The following MKLN1 variants were observed in gnomAD, a reference collection of about 807,000 sequenced individuals.
MKLN1 encodes muskelin 1.
Under a neutral mutation model 99.0 loss-of-function variants are expected in MKLN1, and 18 were observed. That is an observed-to-expected ratio of 0.18 (90% confidence interval 0.13 to 0.27). The LOEUF is 0.27. Ranked by LOEUF, MKLN1 falls within the 10% of genes least tolerant of loss-of-function variation. The pLI is 1.00. For missense variants in MKLN1, 621 were observed against 875.9 expected, an observed-to-expected ratio of 0.71 and a Z score of 3.67; for synonymous variants, 288 against 293.2, an observed-to-expected ratio of 0.98 and a Z score of 0.18.
intron 3 of MKLN1, among the ~76,000 whole-genome samples, chr7:131,257,225 G>A (rs1797670076): frequency 6.6e-6 from 1 of 152,020 alleles, no homozygotes; most frequent in Non-Finnish European, 1.5e-5. Context: ...CTAGATTATA[G>A]AACATGCCTT....
At chr7:131,206,766 G>A (rs10234952) in intron 3 of MKLN1, among the ~76,000 whole-genome samples, 28,779 of 151,730 alleles carry the variant, frequency 0.19, 2,986 homozygotes, top group South Asian at 0.31. Flanking sequence ...ATGTTTTCCC[G>A]GCTGGTCTCA....
chr7:131,284,485 T>TAA (rs1195578987), intron 3 of MKLN1, among the ~76,000 whole-genome samples: 3 of 152,214 alleles, frequency 2.0e-5, no homozygotes, highest in African/African-American at 7.2e-5. Context: ...ACTCTGGTGC[T>TAA]CTGTTGGTAG....
At chr7:131,434,214 CT>C (rs1382892599) in intron 9 of MKLN1, among the ~76,000 whole-genome samples, 1 of 152,020 alleles carries the variant, frequency 6.6e-6, no homozygotes, top group African/African-American at 2.4e-5. Flanking sequence ...GATATTGAAT[CT>C]TTCTACACCA....
rs527836890 is a variant in MKLN1, at chr7:131,228,624, G to A, written c.-179+25650G>A. On this transcript the variant is annotated intron_variant, in intron 3 of 7. Transcript: ENST00000416992. ...TAAGATCTCTTTTATGGGTTTTTGT[G>A]AGAATTAAAGTGAAATCATGCAAGT... is the stretch of plus-strand genomic sequence containing the variant. 1.2e-4 allele frequency among the ~76,000 whole-genome samples: 19 copies of A among 152,174 alleles called. No homozygotes were observed. The South Asian group carries it at 3.9e-3, about 32-fold the overall frequency.
chr7:131,132,128 T>G (rs1584780451), intron 1 of MKLN1, among the ~76,000 whole-genome samples: 2 of 152,232 alleles, frequency 1.3e-5, no homozygotes, highest in East Asian at 3.8e-4. Context: ...AAGTCAATTG[T>G]GTAAATGTTA....
At chr7:131,298,956 G>A (rs1399624760) in intron 3 of MKLN1, among the ~76,000 whole-genome samples, 1 of 152,192 alleles carries the variant, frequency 6.6e-6, no homozygotes, top group Non-Finnish European at 1.5e-5. Context: ...GGTAGGAGGA[G>A]CGCTTCATGC....
At chr7:131,379,205 T>C (rs1362514835) in intron 2 of MKLN1, among the ~76,000 whole-genome samples, 3 of 152,190 alleles carry the variant, frequency 2.0e-5, no homozygotes, top group Non-Finnish European at 4.4e-5. Context: ...TGAAAATAGT[T>C]ACCTTTATTC....
At chr7:131,476,170 G>A (rs1376595309) in intron 16 of MKLN1, among the ~76,000 whole-genome samples, 1 of 152,072 alleles carries the variant, frequency 6.6e-6, no homozygotes, top group Non-Finnish European at 1.5e-5. Flanking sequence ...ATTCCTAAAG[G>A]ACACCTGTGA....
At chr7:131,427,256 T>G (rs1444139358) in intron 8 of MKLN1, among the ~76,000 whole-genome samples, 1 of 152,200 alleles carries the variant, frequency 6.6e-6, no homozygotes, top group Non-Finnish European at 1.5e-5. Flanking sequence ...TATGCAGATA[T>G]GACAGAAATC....
intron 3 of MKLN1, among the ~76,000 whole-genome samples, chr7:131,255,712 G>A (rs1797647993): frequency 3.3e-5 from 5 of 151,802 alleles, no homozygotes; most frequent in Admixed American, 3.3e-4. Flanking sequence ...CTGAGCAGCT[G>A]GGATTTTACA....
At chr7:131,231,290 G>C (rs978971428) in intron 3 of MKLN1, among the ~76,000 whole-genome samples, 1 of 152,098 alleles carries the variant, frequency 6.6e-6, no homozygotes, top group African/African-American at 2.4e-5. Context: ...TAACCTATCA[G>C]TACATGGCTG....
intron 1 of MKLN1, among the ~76,000 whole-genome samples, chr7:131,372,554 T>G (rs73488974): frequency 0.05 from 7,590 of 152,098 alleles, 250 homozygotes; most frequent in East Asian, 0.19. Flanking sequence ...TCACTTACTA[T>G]GTATTGAACA....
intron 3 of MKLN1, among the ~76,000 whole-genome samples, chr7:131,259,166 C>T (rs768633305): frequency 6.6e-6 from 1 of 152,006 alleles, no homozygotes; most frequent in Non-Finnish European, 1.5e-5. Flanking sequence ...TAGCTATGAC[C>T]ACTCATCCTG....
At chr7:131,284,823 G>A (rs755699581) in intron 3 of MKLN1, among the ~76,000 whole-genome samples, 43 of 152,192 alleles carry the variant, frequency 2.8e-4, no homozygotes, top group Non-Finnish European at 5.1e-4. Flanking sequence ...TCAAAGCCCT[G>A]AGGAATCTGA....
intron 3 of MKLN1, among the ~76,000 whole-genome samples, chr7:131,316,975 C>T (rs1045651532): frequency 2.0e-5 from 3 of 152,142 alleles, no homozygotes; most frequent in Non-Finnish European, 2.9e-5. Flanking sequence ...ACTAAACCTA[C>T]GATTGATTGG....
chr7:131,313,261 TA>T (rs1188469610), intron 3 of MKLN1, among the ~76,000 whole-genome samples: 2 of 152,258 alleles, frequency 1.3e-5, no homozygotes, highest in Non-Finnish European at 2.9e-5. Context: ...GCACGTTTTC[TA>T]TAAGTCAGTG....
chr7:131,212,397 A>G (rs1796919166), intron 3 of MKLN1, among the ~76,000 whole-genome samples: 5 of 152,188 alleles, frequency 3.3e-5, no homozygotes, highest in Admixed American at 3.3e-4. Context: ...TGTTTACATG[A>G]ATAGACTCTT....
chr7:131,464,177 G>A (rs1796594987), intron 13 of MKLN1, 117 bp from the exon 14 acceptor site: 2 of 539,330 alleles, frequency 3.7e-6, no homozygotes, highest in South Asian at 3.0e-5. Flanking sequence ...AAGATACGAT[G>A]TGAACGCATT....
chr7:131,373,115 T>A (rs1052305198), intron 1 of MKLN1, among the ~76,000 whole-genome samples: 5 of 152,132 alleles, frequency 3.3e-5, no homozygotes, highest in African/African-American at 1.2e-4. Flanking sequence ...TCGATTAAAT[T>A]TTTCTCCTGA....
Sources: gnomAD v4.1 joint callset for allele counts (sites outside exome capture counted in the v4.1 genomes callset) on GRCh38, gnomAD v4.1.1 for gene constraint, MANE v1.5 for transcripts, NCBI Gene and HGNC (gene_info 2026-07-23, HGNC 2026-07-21) for gene names.